Variants in XYLT1 observed in about 807,000 individuals in gnomAD.
XYLT1 encodes the protein beta-D-xylosyltransferase 1.
XYLT1 carries 36 observed loss-of-function variants against 91.3 expected under a neutral mutation model. The observed-to-expected ratio is 0.39, with a 90% CI of 0.30 to 0.52. XYLT1 has a LOEUF of 0.52. XYLT1 is among the 20% of genes least tolerant of loss of function. The pLI is 0.68. For missense variants in XYLT1, 1,242 were observed against 1,284.5 expected, an observed-to-expected ratio of 0.97 and a Z score of 0.51; for synonymous variants, 588 against 532.0, an observed-to-expected ratio of 1.11 and a Z score of -1.45.
At chr16:17,310,933 C>G (rs1000364986) in intron 2 of XYLT1, among the ~76,000 whole-genome samples, 1 of 152,100 alleles carries the variant, frequency 6.6e-6, no homozygotes, top group Non-Finnish European at 1.5e-5. Context: ...GGGTCATGTC[C>G]CACAGCTCCA....
intron 1 of XYLT1, among the ~76,000 whole-genome samples, chr16:17,403,061 C>T (rs2035989150): frequency 6.6e-6 from 1 of 152,156 alleles, no homozygotes; most frequent in Admixed American, 6.6e-5. Context: ...TCCCAGCTTC[C>T]AGAGTGAGGA....
intron 2 of XYLT1, among the ~76,000 whole-genome samples, chr16:17,341,876 T>C (rs1176065199): frequency 6.6e-6 from 1 of 152,324 alleles, no homozygotes; most frequent in East Asian, 1.9e-4. Flanking sequence ...CTACTTCTTT[T>C]GGCTTTCACT....
At chr16:17,375,820 C>T (rs537548103) in intron 1 of XYLT1, among the ~76,000 whole-genome samples, 2 of 152,322 alleles carry the variant, frequency 1.3e-5, no homozygotes, top group Admixed American at 6.5e-5. Context: ...TTCCGGAGCC[C>T]GGCCTTTCAC....
At chr16:17,137,942 T>C (rs1451986070) in intron 8 of XYLT1, among the ~76,000 whole-genome samples, 2 of 152,146 alleles carry the variant, frequency 1.3e-5, no homozygotes, top group African/African-American at 2.4e-5. Context: ...GTTCTGAGGT[T>C]GAAAAGCTCA....
intron 1 of XYLT1, among the ~76,000 whole-genome samples, chr16:17,384,221 G>T (rs1300872166): frequency 1.3e-5 from 2 of 151,716 alleles, no homozygotes; most frequent in East Asian, 4.0e-4. Context: ...GGGCCCAAAG[G>T]ATCAGAATGA....
chr16:17,397,976 C>T (rs77077805), intron 1 of XYLT1, among the ~76,000 whole-genome samples: 1 of 152,012 alleles, frequency 6.6e-6, no homozygotes, highest in East Asian at 1.9e-4. Flanking sequence ...GCATGCACCA[C>T]CATTCCCGGC....
intron 2 of XYLT1, among the ~76,000 whole-genome samples, chr16:17,274,802 A>G (rs1307475416): frequency 2.0e-5 from 3 of 152,210 alleles, no homozygotes; most frequent in African/African-American, 7.2e-5. Flanking sequence ...TCCTTTTATA[A>G]TAACAACGAT....
intron 2 of XYLT1, among the ~76,000 whole-genome samples, chr16:17,353,718 TCCGTC>T (rs780760552): frequency 0.21 from 31,896 of 151,948 alleles, 3,621 homozygotes; most frequent in Middle Eastern, 0.28. Flanking sequence ...TGTCTATCTG[TCCGTC>T]TGTCTATCTA....
intron 3 of XYLT1, among the ~76,000 whole-genome samples, chr16:17,209,918 C>T (rs553195614): frequency 1.2e-4 from 18 of 152,236 alleles, no homozygotes; most frequent in South Asian, 2.1e-4. Context: ...ATTCGTAAGA[C>T]GGGATCTCGC....
chr16:17,371,032 G>A (rs1437379832), intron 1 of XYLT1, among the ~76,000 whole-genome samples: 1 of 152,214 alleles, frequency 6.6e-6, no homozygotes. Flanking sequence ...CTTTCAGCTG[G>A]AGGACCTGAG....
chr16:17,293,095 G>A (rs915878065), intron 2 of XYLT1, among the ~76,000 whole-genome samples: 1 of 152,172 alleles, frequency 6.6e-6, no homozygotes. Flanking sequence ...TAGCTAACCC[G>A]TAAAGCGGGC....
chr16:17,320,392 C>T (rs1244718535), intron 2 of XYLT1, among the ~76,000 whole-genome samples: 1 of 152,070 alleles, frequency 6.6e-6, no homozygotes, highest in African/African-American at 2.4e-5. Context: ...ATTCCCAATG[C>T]TTACATCCAA....
At chr16:17,111,634 C>T (rs917641443) in intron 11 of XYLT1, among the ~76,000 whole-genome samples, 2 of 152,188 alleles carry the variant, frequency 1.3e-5, no homozygotes, top group African/African-American at 4.8e-5. Context: ...TATGCTAACC[C>T]TTCTAAAAGC....
chr16:17,309,137 C>T (rs1380200198), intron 2 of XYLT1, among the ~76,000 whole-genome samples: 3 of 152,180 alleles, frequency 2.0e-5, no homozygotes, highest in Non-Finnish European at 4.4e-5. Context: ...AACACAGTTT[C>T]TCAACCTTGA....
chr16:17,304,749 G>A (rs781360804), intron 2 of XYLT1, among the ~76,000 whole-genome samples: 2 of 152,012 alleles, frequency 1.3e-5, no homozygotes, highest in Admixed American at 6.6e-5. Context: ...CTTTGCCCAC[G>A]GTGAGTAAGG....
chr16:17,234,448 G>A (rs970354158), intron 3 of XYLT1, among the ~76,000 whole-genome samples: 5 of 152,022 alleles, frequency 3.3e-5, no homozygotes, highest in African/African-American at 1.2e-4. Context: ...GCTATCACCC[G>A]TTTGCCTAAT....
chr16:17,179,704 C>G (rs760959606), intron 5 of XYLT1, among the ~76,000 whole-genome samples: 3 of 152,242 alleles, frequency 2.0e-5, no homozygotes, highest in African/African-American at 4.8e-5. Context: ...TGAAGAGCCA[C>G]TTACCCCTTG....
At chr16:17,172,035 G>T (rs1455223438) in intron 5 of XYLT1, among the ~76,000 whole-genome samples, 1 of 152,192 alleles carries the variant, frequency 6.6e-6, no homozygotes. Flanking sequence ...AACAGGAATC[G>T]CAATATGACA....
chr16:17,373,094 C>A (rs2035556766), intron 1 of XYLT1, among the ~76,000 whole-genome samples: 2 of 152,120 alleles, frequency 1.3e-5, no homozygotes, highest in Non-Finnish European at 2.9e-5. Context: ...GCCCTGCTAT[C>A]TCATTAGCTG....
Sources: allele counts gnomAD v4.1 joint callset (sites outside exome capture counted in the v4.1 genomes callset), GRCh38; gene constraint gnomAD v4.1.1; transcripts MANE v1.5; gene names NCBI Gene and HGNC (gene_info 2026-07-23, HGNC 2026-07-21).